Variants in ABCA13 observed in about 807,000 individuals in gnomAD.
ABCA13 encodes ATP binding cassette subfamily A member 13.
Under a neutral mutation model 478.7 loss-of-function variants are expected in ABCA13, and 476 were observed. The observed-to-expected ratio is 0.99, with a 90% CI of 0.92 to 1.07. ABCA13 has a LOEUF of 1.07. ABCA13 is among the 50% of genes least tolerant of loss of function. The pLI, the probability that ABCA13 is intolerant of heterozygous loss-of-function variation, is 0.00. For missense variants in ABCA13, 6,060 were observed against 5,910.6 expected, an observed-to-expected ratio of 1.03 and a Z score of -0.83; for synonymous variants, 2,252 against 2,158.9, an observed-to-expected ratio of 1.04 and a Z score of -1.20.
In ABCA13 at chr7:48,352,434, G is replaced by A; in HGVS notation, c.10635G>A (p.Leu3545=). 6.2e-7 allele frequency: 1 copy of A among 1,613,062 alleles called. No individual in the cohort carries two copies. The highest frequency in any genetic ancestry group is 1.7e-4 in the Middle Eastern group (1 of 6,058). The change falls in exon 31 of 62, where the codon CTG becomes CTA. Residue 3545 remains leucine, a synonymous_variant. Coordinates refer to ENST00000435803, the MANE Select transcript of ABCA13 (RefSeq NM_152701.5). ...IILVQTGQEA[L]EPAAQTQAAP... is the part of the protein sequence containing the mutation. ...TGGTGCAGACTGGGCAGGAAGCCCT[G>A]GAACCAGCAGCACAGACTCAGGCGG... is the stretch of plus-strand genomic sequence containing the variant.
At chr7:48,263,475 A>G (rs1355865467) in intron 15 of ABCA13, among the ~76,000 whole-genome samples, 1 of 151,890 alleles carries the variant, frequency 6.6e-6, no homozygotes, top group Non-Finnish European at 1.5e-5. Flanking sequence ...TTGGTAGCAA[A>G]CATTGCATTT....
rs747299444 is a variant in ABCA13 at position 48,507,937 on chromosome 7, C to T, written c.13412C>T (p.Ala4471Val). Reference sequence around the variant, plus strand: ...GTGCTGGGATTCTCCATCCTGTCTGCATCCATCGGCAGCTCTGTGGTGAGG... The same window carrying T: ...GTGCTGGGATTCTCCATCCTGTCTGTATCCATCGGCAGCTCTGTGGTGAGG... ...CIVLGFSILS[A>V]SIGSSVVRDR... The change falls in exon 50 of 62, where the codon GCA becomes GTA. Residue 4471 changes from alanine (A) to valine (V), a missense_variant. Transcript: ENST00000435803. 5 of 1,613,414 alleles carry T rather than the reference C, an allele frequency of 3.1e-6. No individual in the cohort carries two copies. The South Asian group carries it at 4.4e-5, about 14-fold the overall frequency.
chr7:48,604,692 A>G (rs1791285513), intron 58 of ABCA13, among the ~76,000 whole-genome samples: 2 of 152,172 alleles, frequency 1.3e-5, no homozygotes, highest in Non-Finnish European at 1.5e-5. Context: ...ACTGAGAAGA[A>G]TGTATATTCT....
intron 21 of ABCA13, among the ~76,000 whole-genome samples, chr7:48,296,880 G>T (rs1045268196): frequency 6.6e-6 from 1 of 152,222 alleles, no homozygotes. Flanking sequence ...TTCACTGAAA[G>T]AATGATGTTC....
At chr7:48,414,191 C>A (rs918497522) in intron 41 of ABCA13, among the ~76,000 whole-genome samples, 1 of 152,202 alleles carries the variant, frequency 6.6e-6, no homozygotes, top group Non-Finnish European at 1.5e-5. Flanking sequence ...TATTTTCATT[C>A]TTCAAGTCTT....
At chr7:48,229,800 G>C in intron 6 of ABCA13, 25 bp from the exon 7 acceptor site, 4 of 1,613,308 alleles carry the variant, frequency 2.5e-6, no homozygotes, top group Non-Finnish European at 2.5e-6. Context: ...CACTCATATT[G>C]CTTTTTGTTT....
intron 31 of ABCA13, among the ~76,000 whole-genome samples, chr7:48,366,593 C>T (rs577766270): frequency 6.6e-6 from 1 of 152,096 alleles, no homozygotes; most frequent in Non-Finnish European, 1.5e-5. Context: ...TGTCATGCCA[C>T]TTCAACTCAT....
At chr7:48,570,843 T>C (rs73694677) in intron 55 of ABCA13, among the ~76,000 whole-genome samples, 1,895 of 152,274 alleles carry the variant, frequency 0.012, 35 homozygotes, top group African/African-American at 0.043. Flanking sequence ...TTTTACTATT[T>C]GTTTTCTATA....
chr7:48,298,396 TC>T lies in ABCA13; in HGVS notation c.9231del (p.Thr3078ProfsTer3). 6.2e-7 allele frequency: 1 copy of T among 1,611,760 alleles called. No individual in the cohort carries two copies. Among genetic ancestry groups the T allele is most frequent in the Non-Finnish European group, 8.5e-7 (1 of 1,178,712 alleles). ...DVKIKDLMKN[I>X]TKLTEELRSS... ...AAAATAAAAGATTTGATGAAGAATATCACCAAGTTGACTGAGGAGCTTCGCT... is the reference window on the plus strand; with the variant it reads ...AAAATAAAAGATTTGATGAAGAATATACCAAGTTGACTGAGGAGCTTCGCT... On this transcript the variant is annotated frameshift_variant, in exon 23 of 62. Coordinates refer to ENST00000435803, the MANE Select transcript of ABCA13 (RefSeq NM_152701.5). LOFTEE classifies it high-confidence loss of function.
intron 42 of ABCA13, among the ~76,000 whole-genome samples, chr7:48,440,016 A>G (rs1823367172): frequency 6.6e-6 from 1 of 152,140 alleles, no homozygotes; most frequent in Non-Finnish European, 1.5e-5. Flanking sequence ...GCCTCTCTTC[A>G]TATTTATTAG....
chr7:48,358,922 T>G lies in ABCA13; in HGVS notation c.10688+6435T>G, dbSNP rs550425842. Among the ~76,000 whole-genome samples, 70 of 152,092 alleles carry G rather than the reference T, an allele frequency of 4.6e-4. 3 individuals carry two copies. Among genetic ancestry groups the G allele is most frequent in the African/African-American group, 1.6e-3 (66 of 41,350 alleles). ...TTGACAGTGCATCTCACCTTCTAAG[T>G]TTATCCGATCTCTTTCGAGCTTCCT... On this transcript the variant is annotated intron_variant, in intron 31 of 61. Transcript: ENST00000435803.
At chr7:48,521,201 C>CT (rs1461691933) in intron 53 of ABCA13, among the ~76,000 whole-genome samples, 7 of 152,166 alleles carry the variant, frequency 4.6e-5, no homozygotes, top group African/African-American at 1.7e-4. Context: ...CAATGGTTGG[C>CT]TTCCCCCCCA....
intron 15 of ABCA13, among the ~76,000 whole-genome samples, chr7:48,256,433 T>C (rs375714428): frequency 4.6e-5 from 7 of 152,344 alleles, no homozygotes; most frequent in African/African-American, 1.4e-4. Flanking sequence ...GTTTTAGGTT[T>C]AACATTTAAA....
chr7:48,252,367 C>T (rs1184437717), intron 15 of ABCA13, among the ~76,000 whole-genome samples: 1 of 152,076 alleles, frequency 6.6e-6, no homozygotes, highest in Non-Finnish European at 1.5e-5. Flanking sequence ...AATGTGGATG[C>T]GTTCTGAGAA....
At chr7:48,513,145 T>C (rs4917160) in intron 51 of ABCA13, among the ~76,000 whole-genome samples, 45,658 of 152,048 alleles carry the variant, frequency 0.3, 7,817 homozygotes, top group African/African-American at 0.47. Flanking sequence ...GATAGCAGAA[T>C]TGGCTCATGC....
chr7:48,510,540 A>G (rs1387551928), intron 50 of ABCA13, among the ~76,000 whole-genome samples: 1 of 152,190 alleles, frequency 6.6e-6, no homozygotes, highest in Non-Finnish European at 1.5e-5. Flanking sequence ...AAGGAGATGG[A>G]TATGCATGAC....
At chr7:48,425,548 C>A (rs910145233) in intron 41 of ABCA13, among the ~76,000 whole-genome samples, 7 of 152,146 alleles carry the variant, frequency 4.6e-5, no homozygotes, top group African/African-American at 1.7e-4. Context: ...TAATAGTACT[C>A]ATCTCATCAG....
chr7:48,580,728 C>G (rs183402755), intron 56 of ABCA13, among the ~76,000 whole-genome samples: 4 of 152,236 alleles, frequency 2.6e-5, no homozygotes, highest in Admixed American at 2.6e-4. Context: ...ATCACAAACT[C>G]TGTATTTTCA....
At chr7:48,422,034 C>G (rs1243174302) in intron 41 of ABCA13, among the ~76,000 whole-genome samples, 1 of 126,266 alleles carries the variant, frequency 7.9e-6, no homozygotes, top group East Asian at 2.2e-4. Flanking sequence ...GGCCCCAAAC[C>G]CTAATCTGGT....
Sources: allele counts gnomAD v4.1 joint callset (sites outside exome capture counted in the v4.1 genomes callset), GRCh38; gene constraint gnomAD v4.1.1; transcripts MANE v1.5; gene names NCBI Gene and HGNC (gene_info 2026-07-23, HGNC 2026-07-21).